The following PALS1 variants were observed in gnomAD, a reference collection of about 807,000 sequenced individuals.
PALS1 encodes protein associated with LIN7 1, MAGUK p55 family member, also known as protein PALS1.
PALS1 carries 31 observed loss-of-function variants against 78.9 expected under a neutral mutation model. That is an observed-to-expected ratio of 0.39 (90% confidence interval 0.30 to 0.53). The LOEUF (loss-of-function observed/expected upper bound fraction) is 0.53. Among genes scored for constraint, PALS1 ranks in the 20% least tolerant of loss-of-function variants. The pLI is 0.67. For synonymous variants in PALS1, 276 were observed against 270.9 expected (o/e 1.02, Z -0.18); for missense variants, 704 against 826.5 (o/e 0.85, Z 1.82).
chr14:67,295,711 G>C (rs1479491172), intron 4 of PALS1, among the ~76,000 whole-genome samples: 1 of 152,158 alleles, frequency 6.6e-6, no homozygotes, highest in African/African-American at 2.4e-5. Flanking sequence ...AAGACTGTCA[G>C]TATTGTTTGT....
At chr14:67,327,414 G>A (rs2141031903) in intron 14 of PALS1, among the ~76,000 whole-genome samples, 1 of 152,112 alleles carries the variant, frequency 6.6e-6, no homozygotes, top group Non-Finnish European at 1.5e-5. Flanking sequence ...AGCATTTTCA[G>A]AGGCCAAGGA....
rs141064949 is a variant in PALS1 at position 67,285,750 on chromosome 14, G to T, written c.367+6213G>T. Among the ~76,000 whole-genome samples, 71 of 152,212 alleles carry T rather than the reference G, an allele frequency of 4.7e-4. No individual in the cohort carries two copies. In the East Asian group the frequency reaches 0.013, roughly 28 times the overall value. On this transcript the variant is annotated intron_variant, in intron 3 of 14. Transcript: ENST00000261681. ...CAGAGTTCTAGGCATTGGAAAGTAG[G>T]ATTTTCTGATAAAGTAACTCTTGGT...
intron 2 of PALS1, among the ~76,000 whole-genome samples, chr14:67,276,027 GCTAGTAGT>G (rs1383363366): frequency 6.6e-6 from 1 of 151,840 alleles, no homozygotes; most frequent in East Asian, 1.9e-4. Flanking sequence ...CATTAGTCTT[GCTAGTAGT>G]CTATCAATTT....
chr14:67,254,783 AATC>A (rs1213841956), intron 1 of PALS1, among the ~76,000 whole-genome samples: 1 of 152,248 alleles, frequency 6.6e-6, no homozygotes, highest in Admixed American at 6.5e-5. Context: ...AGGTAGAGGT[AATC>A]ATCTACTAAT....
rs370579335 is a variant in PALS1, at chr14:67,317,394, T to C, written c.1298-14T>C. The C allele has an allele frequency of 7.5e-6, 12 of 1,604,074 alleles. No homozygotes were observed. Among genetic ancestry groups the C allele is most frequent in the Admixed American group, 1.7e-5 (1 of 58,838 alleles). ...GGGAACACATTTATAGTTATGTTTATGATTGCTCAACAGGAAAACTGTGGT... is the reference window on the plus strand; with the variant it reads ...GGGAACACATTTATAGTTATGTTTACGATTGCTCAACAGGAAAACTGTGGT... On this transcript the variant is annotated splice_polypyrimidine_tract_variant and intron_variant, in intron 10 of 14. Coordinates refer to ENST00000261681, the MANE Select transcript of PALS1 (RefSeq NM_022474.4).
chr14:67,261,235 G>GC (rs1218467546), intron 1 of PALS1, among the ~76,000 whole-genome samples: 2 of 152,124 alleles, frequency 1.3e-5, no homozygotes, highest in East Asian at 3.8e-4. Context: ...AGTTAATCTG[G>GC]CAATACTGTG....
chr14:67,251,611 A>G (rs6573763), intron 1 of PALS1, among the ~76,000 whole-genome samples: 25,242 of 152,172 alleles, frequency 0.17, 4,024 homozygotes, highest in East Asian at 0.43. Context: ...TAAGGGTAGG[A>G]TAGTGGGTTG....
rs528614932 is a variant in PALS1 at position 67,334,090 on chromosome 14, A to G, written c.*1134A>G. On this transcript the variant is annotated 3_prime_UTR_variant, in exon 15 of 15. Transcript: ENST00000261681. ...TATTATGACAGTTGACTTTAAGATC[A>G]AAAGGAAGGGAAGACCTGAAAGTCA... 6.5e-6 allele frequency: 1 copy of G among 152,696 alleles called. No individual in the cohort carries two copies. Among genetic ancestry groups the G allele is most frequent in the South Asian group, 2.1e-4 (1 of 4,832 alleles). The allele number at this position is 152,696 out of a possible 1,614,324, so 9.5% of individuals were successfully genotyped here.
chr14:67,277,793 C>T (rs1336535876), intron 2 of PALS1, among the ~76,000 whole-genome samples: 1 of 152,028 alleles, frequency 6.6e-6, no homozygotes, highest in Non-Finnish European at 1.5e-5. Flanking sequence ...TATACATTAA[C>T]TCATGTGAAA....
In PALS1 at chr14:67,279,506, A is replaced by G. The variant is rs754012247; in HGVS notation, c.336A>G (p.Leu112=). The G allele has an allele frequency of 6.4e-6, 10 of 1,563,040 alleles. No homozygotes were observed. In the South Asian group the frequency reaches 9.7e-5, roughly 15 times the overall value. The part of the protein sequence containing the change: ...PMFDTEEGIV[L]ESPHYAVKIL... ...TTGATACAGAGGAAGGAATTGTCTT[A>G]GAAAGTCCTCATTATGCTGTGAAAA... The change falls in exon 3 of 15, where the codon TTA becomes TTG. Residue 112 remains leucine, a synonymous_variant. Transcript: ENST00000261681.
chr14:67,255,550 A>G (rs1466743212), intron 1 of PALS1, among the ~76,000 whole-genome samples: 2 of 152,220 alleles, frequency 1.3e-5, no homozygotes, highest in Non-Finnish European at 2.9e-5. Context: ...ATGATTGCAT[A>G]AGTGATTTAT....
At chr14:67,271,358 T>C (rs28521373) in intron 2 of PALS1, 47,880 of 152,166 alleles carry the variant, frequency 0.31, 11,620 homozygotes, top group African/African-American at 0.65. Flanking sequence ...TCTGGAGTTA[T>C]ACTGCCTAGG....
At chr14:67,297,918 G>A (rs1566560052) in intron 4 of PALS1, among the ~76,000 whole-genome samples, 2 of 152,176 alleles carry the variant, frequency 1.3e-5, no homozygotes, top group Admixed American at 6.5e-5. Context: ...CAAATGTTCA[G>A]TCTTATGAGT....
intron 1 of PALS1, among the ~76,000 whole-genome samples, chr14:67,258,454 A>G (rs971331062): frequency 3.9e-5 from 6 of 152,106 alleles, no homozygotes; most frequent in African/African-American, 1.2e-4. Flanking sequence ...GAGGATTGCA[A>G]CTGTTGTCCA....
At chr14:67,327,655 A>G (rs1440566942) in intron 14 of PALS1, among the ~76,000 whole-genome samples, 1 of 151,626 alleles carries the variant, frequency 6.6e-6, no homozygotes, top group African/African-American at 2.4e-5. Context: ...CCACCCCACA[A>G]CAGGCCCCAG....
rs184103032 is a variant in PALS1, at chr14:67,307,238, C to T, written c.1041+3639C>T. Among the ~76,000 whole-genome samples, 17 of 151,904 alleles carry T rather than the reference C, an allele frequency of 1.1e-4. No individual in the cohort carries two copies. In the East Asian group the frequency reaches 3.3e-3, roughly 29 times the overall value. On this transcript the variant is annotated intron_variant, in intron 8 of 14. Coordinates refer to ENST00000261681, the MANE Select transcript of PALS1 (RefSeq NM_022474.4). Reference sequence around the variant, plus strand: ...ATTCAAACGTACAGTTTCCTTCTCTCGGCCTTTTTAAAAAAAGGAAGGATT... The same window carrying T: ...ATTCAAACGTACAGTTTCCTTCTCTTGGCCTTTTTAAAAAAAGGAAGGATT...
chr14:67,323,030 A>C (rs935131058), intron 13 of PALS1, among the ~76,000 whole-genome samples: 1 of 152,130 alleles, frequency 6.6e-6, no homozygotes, highest in African/African-American at 2.4e-5. Flanking sequence ...GTATGATTCT[A>C]ATTGCTCCAA....
At chr14:67,256,409 TA>T (rs1567503315) in intron 1 of PALS1, among the ~76,000 whole-genome samples, 2 of 152,248 alleles carry the variant, frequency 1.3e-5, no homozygotes, top group South Asian at 2.1e-4. Context: ...TTATATATTT[TA>T]AAAAAACAAG....
intron 1 of PALS1, among the ~76,000 whole-genome samples, chr14:67,249,226 T>C (rs539528021): frequency 6.6e-6 from 1 of 152,294 alleles, no homozygotes; most frequent in African/African-American, 2.4e-5. Context: ...CCTCCCAAAG[T>C]GCTGGGATTA....
Sources: allele counts gnomAD v4.1 joint callset (sites outside exome capture counted in the v4.1 genomes callset), GRCh38; gene constraint gnomAD v4.1.1; transcripts MANE v1.5; gene names NCBI Gene and HGNC (gene_info 2026-07-23, HGNC 2026-07-21).